Variants in ABL1 observed in about 807,000 individuals in gnomAD.
ABL1 encodes the protein ABL proto-oncogene 1, non-receptor tyrosine kinase, also known as tyrosine-protein kinase ABL1.
A neutral mutation model predicts 94.7 loss-of-function variants in ABL1; 11 were observed. That is an observed-to-expected ratio of 0.12 (90% CI 0.07 to 0.19). The LOEUF (loss-of-function observed/expected upper bound fraction) is 0.19. ABL1 is among the 10% of genes least tolerant of loss of function. ABL1 has a pLI of 1.00. For synonymous variants in ABL1, 656 were observed against 622.4 expected, an observed-to-expected ratio of 1.05 and a Z score of -0.80; for missense variants, 1,082 against 1,489.4, an observed-to-expected ratio of 0.73 and a Z score of 4.50.
chr9:130,838,965 A>T (rs536935962), intron 1 of ABL1, among the ~76,000 whole-genome samples: 10 of 152,160 alleles, frequency 6.6e-5, no homozygotes, highest in Non-Finnish European at 1.3e-4. Flanking sequence ...GCTGGACTGC[A>T]GTGGCACAAT....
intron 1 of ABL1, among the ~76,000 whole-genome samples, chr9:130,769,394 C>T (rs890120132): frequency 8.0e-6 from 1 of 124,534 alleles, no homozygotes; most frequent in African/African-American, 3.1e-5. Context: ...TGCAATGGTG[C>T]TATCTTGGCT....
At chr9:130,838,840 G>T (rs893212608) in intron 1 of ABL1, among the ~76,000 whole-genome samples, 1 of 152,168 alleles carries the variant, frequency 6.6e-6, no homozygotes, top group Non-Finnish European at 1.5e-5. Flanking sequence ...ACATGTATGT[G>T]ACAGTTGTGT....
At chr9:130,797,204 C>A (rs1408109354) in intron 1 of ABL1, among the ~76,000 whole-genome samples, 2 of 117,368 alleles carry the variant, frequency 1.7e-5, no homozygotes, top group Non-Finnish European at 3.3e-5. Flanking sequence ...CCACTGCATT[C>A]GAGCCTGGGC....
At chr9:130,813,343 C>A (rs954410109) in intron 1 of ABL1, among the ~76,000 whole-genome samples, 2 of 151,336 alleles carry the variant, frequency 1.3e-5, no homozygotes, top group Admixed American at 6.6e-5. Context: ...GGGCGGATCA[C>A]GAGGTCAGGA....
intron 1 of ABL1, among the ~76,000 whole-genome samples, chr9:130,770,808 G>A (rs753603679): frequency 9.2e-5 from 14 of 152,094 alleles, no homozygotes; most frequent in Non-Finnish European, 1.6e-4. Flanking sequence ...ATATAAATAG[G>A]CAGGAGACCA....
At chr9:130,794,640 TG>T (rs1436719348) in intron 1 of ABL1, among the ~76,000 whole-genome samples, 1 of 152,224 alleles carries the variant, frequency 6.6e-6, no homozygotes, top group Non-Finnish European at 1.5e-5. Flanking sequence ...CTGGCTGTAT[TG>T]GGTGAGACAT....
chr9:130,841,583 A>G (rs1325217771), intron 1 of ABL1, among the ~76,000 whole-genome samples: 3 of 151,716 alleles, frequency 2.0e-5, no homozygotes. Context: ...AGGCCGAGGC[A>G]GGTGGTCACC....
Position 130,885,497 on chromosome 9 carries a change from C to T in ABL1, c.3207C>T (p.Ser1069=). 1 of 1,614,136 alleles carries T rather than the reference C, an allele frequency of 6.2e-7. No individual in the cohort carries two copies. The highest frequency in any genetic ancestry group is 2.2e-5 in the East Asian group (1 of 44,872). Residue 1069 remains serine (S), a synonymous_variant, in exon 11 of 11, where the codon AGC becomes AGT. Coordinates refer to ENST00000318560, the MANE Select transcript of ABL1 (RefSeq NM_005157.6). ...AGKNLYTFCV[S]YVDSIQQMRN... Reference sequence around the variant, plus strand: ...AAAACCTCTACACGTTCTGCGTGAGCTATGTGGATTCCATCCAGCAAATGA... The same window carrying T: ...AAAACCTCTACACGTTCTGCGTGAGTTATGTGGATTCCATCCAGCAAATGA...
chr9:130,805,630 C>T (rs900700712), intron 1 of ABL1, among the ~76,000 whole-genome samples: 2 of 152,166 alleles, frequency 1.3e-5, no homozygotes, highest in Non-Finnish European at 2.9e-5. Context: ...ATAGGAAGGG[C>T]CAGTTCCCTT....
intron 1 of ABL1, among the ~76,000 whole-genome samples, chr9:130,848,085 CAA>C (rs921025661): frequency 2.6e-5 from 4 of 152,104 alleles, no homozygotes; most frequent in African/African-American, 9.7e-5. Context: ...CCTGGTCTGC[CAA>C]AGTTGTATGC....
Position 130,804,865 on chromosome 9 carries a change from T to C in ABL1, c.137-49199T>C, listed in dbSNP as rs181315845. ...TTTTTAAGCTAATATTAACTTCTAT[T>C]TCTAGCCCAAAGAGTCATCTATCAA... On this transcript the variant is annotated intron_variant, in intron 1 of 10. Coordinates refer to the ABL1 transcript ENST00000372348. Among the ~76,000 whole-genome samples the C allele has an allele frequency of 1.1e-3, 174 of 152,332 alleles. 2 individuals carry two copies. The Middle Eastern group carries it at 0.014, about 12-fold the overall frequency.
chr9:130,873,187 A>G lies in ABL1; in HGVS notation c.1085+150A>G, dbSNP rs1382656805. Reference sequence around the variant, plus strand: ...ATTGGACCTTGGAACAAAGGCAAACACTAGGCTCCTGGCAAAGCCAGCTTT... The same window carrying G: ...ATTGGACCTTGGAACAAAGGCAAACGCTAGGCTCCTGGCAAAGCCAGCTTT... On this transcript the variant is annotated intron_variant, in intron 6 of 10. Coordinates refer to ENST00000318560, the MANE Select transcript of ABL1 (RefSeq NM_005157.6). 4.7e-6 allele frequency: 4 copies of G among 856,468 alleles called. No individual in the cohort carries two copies. In the Admixed American group the frequency reaches 9.0e-5, roughly 19 times the overall value. 53.1% of individuals were successfully genotyped at this position (856,468 alleles called of 1,614,324 possible). A position where few individuals can be genotyped will look rare whatever the true frequency, so the allele number is the denominator to read the frequency against.
At chr9:130,724,424 G>T (rs536077707) in intron 1 of ABL1, among the ~76,000 whole-genome samples, 5 of 151,940 alleles carry the variant, frequency 3.3e-5, no homozygotes, top group African/African-American at 9.6e-5. Context: ...TGGTTCTGGG[G>T]TTTCTTTCCC....
chr9:130,721,228 A>G (rs924861027), intron 1 of ABL1, among the ~76,000 whole-genome samples: 3 of 151,532 alleles, frequency 2.0e-5, no homozygotes, highest in Non-Finnish European at 4.4e-5. Flanking sequence ...AAAATACAAA[A>G]ATTAGTCGGC....
At chr9:130,735,215 C>G (rs753335788) in intron 1 of ABL1, among the ~76,000 whole-genome samples, 3 of 151,614 alleles carry the variant, frequency 2.0e-5, no homozygotes, top group South Asian at 4.2e-4. Context: ...TTTTTAGTAG[C>G]GATGGGGTTT....
intron 1 of ABL1, among the ~76,000 whole-genome samples, chr9:130,744,448 G>A (rs537413186): frequency 5.9e-5 from 9 of 151,454 alleles, no homozygotes; most frequent in African/African-American, 2.2e-4. Context: ...GCCCCTTCTT[G>A]TTTTTGTAGC....
At position 130,875,017 on chromosome 9, in the gene ABL1, C is replaced by T; in HGVS notation, c.1235C>T (p.Ala412Val). ...PIKWTAPESL[A>V]YNKFSIKSDV... is the part of the protein sequence containing the mutation. ...AAATGGACTGCACCCGAGAGCCTGG[C>T]CTACAACAAGTTCTCCATCAAGTCC... Residue 412 changes from alanine to valine, a missense_variant, in exon 7 of 11, where the codon GCC becomes GTC. By Grantham distance (64) the Ala-to-Val change is moderately conservative. Coordinates refer to ENST00000318560, the MANE Select transcript of ABL1 (RefSeq NM_005157.6). 6.2e-7 allele frequency: 1 copy of T among 1,614,158 alleles called. No individual in the cohort carries two copies. Among genetic ancestry groups the T allele is most frequent in the Non-Finnish European group, 8.5e-7 (1 of 1,180,026 alleles).
chr9:130,887,476 A>G lies in ABL1; in HGVS notation c.*1793A>G. On this transcript the variant is annotated 3_prime_UTR_variant, in exon 11 of 11. Transcript: ENST00000318560. ...CTATATTTTACACGTATCTCTTGGT[A>G]TGCATCTTTTATAGACGCTCTTTTC... 4.3e-6 allele frequency: 1 copy of G among 233,036 alleles called. No homozygotes were observed. Among genetic ancestry groups the G allele is most frequent in the Non-Finnish European group, 8.5e-6 (1 of 117,874 alleles). 14.4% of individuals were successfully genotyped at this position (233,036 alleles called of 1,614,324 possible). A position where few individuals can be genotyped will look rare whatever the true frequency, so the allele number is the denominator to read the frequency against.
chr9:130,835,476 C>T lies in ABL1; in HGVS notation c.30C>T (p.Gly10=), dbSNP rs1337318745. MLEICLKLV[G]CKSKKGLSSS... is the part of the protein sequence containing the mutation. ...TGGAGATCTGCCTGAAGCTGGTGGGCTGCAAATCCAAGAAGGGGCTGTCCT... is the reference window on the plus strand; with the variant it reads ...TGGAGATCTGCCTGAAGCTGGTGGGTTGCAAATCCAAGAAGGGGCTGTCCT... The change falls in exon 1 of 11, where the codon GGC becomes GGT. Residue 10 remains glycine, a synonymous_variant. Coordinates refer to ENST00000318560, the MANE Select transcript of ABL1 (RefSeq NM_005157.6). The surrounding 1 kb of genome is among the most constrained non-coding windows in gnomAD (Gnocchi z 4.6). The T allele has an allele frequency of 6.4e-7, 1 of 1,562,372 alleles. No individual in the cohort carries two copies. The highest frequency in any genetic ancestry group is 8.7e-7 in the Non-Finnish European group (1 of 1,152,864).
Sources: allele counts gnomAD v4.1 joint callset (sites outside exome capture counted in the v4.1 genomes callset), GRCh38; gene constraint gnomAD v4.1.1; non-coding constraint Gnocchi (gnomAD v3.1); transcripts MANE v1.5; gene names NCBI Gene and HGNC (gene_info 2026-07-23, HGNC 2026-07-21).